PRKAR2B: variants seen among roughly 807,000 people sequenced by gnomAD.
The protein encoded by PRKAR2B is cAMP-dependent protein kinase type II-beta regulatory subunit.
PRKAR2B carries 14 observed loss-of-function variants against 49.9 expected under a neutral mutation model. The observed-to-expected ratio is 0.28, with a 90% confidence interval of 0.19 to 0.44. PRKAR2B has a LOEUF of 0.44. Among genes scored for constraint, PRKAR2B ranks in the 20% least tolerant of loss-of-function variants. The pLI, the probability that PRKAR2B is intolerant of heterozygous loss-of-function variation, is 1.00. For synonymous variants in PRKAR2B, 196 were observed against 197.7 expected (o/e 0.99, Z 0.07); for missense variants, 393 against 537.9 (o/e 0.73, Z 2.67).
At chr7:107,130,418 C>T (rs1795584074) in intron 4 of PRKAR2B, among the ~76,000 whole-genome samples, 1 of 151,998 alleles carries the variant, frequency 6.6e-6, no homozygotes, top group African/African-American at 2.4e-5. Context: ...AGGAGAATGG[C>T]ATGAACCCAG....
chr7:107,060,060 G>GT (rs11436034), intron 1 of PRKAR2B, among the ~76,000 whole-genome samples: 94,467 of 151,822 alleles, frequency 0.62, 30,274 homozygotes, highest in African/African-American at 0.77. Context: ...GGAAAATATA[G>GT]TTTTTTTAAT....
At chr7:107,112,371 AATTTATC>A (rs1360475165) in intron 2 of PRKAR2B, among the ~76,000 whole-genome samples, 9 of 151,942 alleles carry the variant, frequency 5.9e-5, no homozygotes, top group African/African-American at 1.7e-4. Context: ...GGTTCATTTA[AATTTATC>A]ATTTATCATC....
intron 2 of PRKAR2B, among the ~76,000 whole-genome samples, chr7:107,100,756 C>G (rs1229646853): frequency 6.6e-6 from 1 of 151,434 alleles, no homozygotes; most frequent in Non-Finnish European, 1.5e-5. Flanking sequence ...TTTGCCACTT[C>G]AAATCTCTTG....
At chr7:107,089,473 A>C (rs1411787821) in intron 2 of PRKAR2B, among the ~76,000 whole-genome samples, 2 of 152,210 alleles carry the variant, frequency 1.3e-5, no homozygotes, top group African/African-American at 4.8e-5. Flanking sequence ...AACACCAACT[A>C]CTGCGTTATA....
chr7:107,058,607 C>A (rs2116756847), intron 1 of PRKAR2B, among the ~76,000 whole-genome samples: 1 of 152,190 alleles, frequency 6.6e-6, no homozygotes, highest in East Asian at 1.9e-4. Flanking sequence ...CAGCAGTTTA[C>A]CAGCCAAGCA....
chr7:107,119,041 G>T (rs1307182216), intron 2 of PRKAR2B, among the ~76,000 whole-genome samples: 1 of 152,118 alleles, frequency 6.6e-6, no homozygotes, highest in Admixed American at 6.6e-5. Flanking sequence ...AATCAACAGG[G>T]TGTTAAGTAA....
Position 107,157,169 on chromosome 7 carries a change from T to G in PRKAR2B, c.985-17T>G. The G allele has an allele frequency of 1.2e-6, 2 of 1,608,592 alleles. No individual in the cohort carries two copies. Among genetic ancestry groups the G allele is most frequent in the Non-Finnish European group, 1.7e-6 (2 of 1,177,402 alleles). ...CATAAGCTGAGGAAAAGCTCATCTT[T>G]TTAATTGCCTTGTCAGGGTAAATCA... On this transcript the variant is annotated splice_polypyrimidine_tract_variant and intron_variant, in intron 9 of 10. Coordinates refer to ENST00000265717, the MANE Select transcript of PRKAR2B (RefSeq NM_002736.3).
intron 2 of PRKAR2B, among the ~76,000 whole-genome samples, chr7:107,107,068 G>A (rs1160516620): frequency 1.3e-5 from 2 of 152,184 alleles, no homozygotes; most frequent in Non-Finnish European, 1.5e-5. Flanking sequence ...TGGGTGCGGT[G>A]GCTCACGCCT....
intron 3 of PRKAR2B, among the ~76,000 whole-genome samples, chr7:107,127,208 G>C (rs1795512185): frequency 6.6e-6 from 1 of 152,206 alleles, no homozygotes; most frequent in South Asian, 2.1e-4. Context: ...TGATGGTAGG[G>C]CAGGCTGCCT....
chr7:107,116,969 A>G (rs190558370), intron 2 of PRKAR2B, among the ~76,000 whole-genome samples: 81 of 148,058 alleles, frequency 5.5e-4, no homozygotes, highest in East Asian at 2.7e-3. Flanking sequence ...ATATATATAT[A>G]TGTGTATATA....
chr7:107,107,405 G>T (rs1795093041), intron 2 of PRKAR2B, among the ~76,000 whole-genome samples: 1 of 151,844 alleles, frequency 6.6e-6, no homozygotes. Context: ...AAGTGGTGTT[G>T]CTAAACTAAA....
intron 2 of PRKAR2B, among the ~76,000 whole-genome samples, chr7:107,120,976 A>C (rs954546493): frequency 5.3e-5 from 8 of 150,890 alleles, no homozygotes; most frequent in African/African-American, 7.3e-5. Context: ...CAATTTAAAT[A>C]AATAATTTAA....
At chr7:107,116,078 T>C (rs775004366) in intron 2 of PRKAR2B, among the ~76,000 whole-genome samples, 2 of 152,236 alleles carry the variant, frequency 1.3e-5, no homozygotes, top group Admixed American at 6.5e-5. Context: ...TGTAAGCCAG[T>C]CTAATCTGAC....
chr7:107,161,293 T>A lies in PRKAR2B; in HGVS notation c.*1711T>A, dbSNP rs936982950. On this transcript the variant is annotated 3_prime_UTR_variant, in exon 11 of 11. Transcript: ENST00000265717. ...TAAACAAGAAAAAACACAAAAGAAC[T>A]CCAGATTCCTGGTTCATCATTCTGT... is the stretch of plus-strand genomic sequence containing the variant. 2 of 152,422 alleles carry A rather than the reference T, an allele frequency of 1.3e-5. No homozygotes were observed. Among genetic ancestry groups the A allele is most frequent in the Admixed American group, 1.3e-4 (2 of 15,278 alleles). 9.4% of individuals were successfully genotyped at this position (152,422 alleles called of 1,614,324 possible).
At chr7:107,090,780 G>A (rs900968364) in intron 2 of PRKAR2B, among the ~76,000 whole-genome samples, 4 of 152,160 alleles carry the variant, frequency 2.6e-5, no homozygotes, top group African/African-American at 9.7e-5. Context: ...GTTTGGATGT[G>A]TCTTTTTCTG....
chr7:107,156,820 C>T (rs1796101042), intron 8 of PRKAR2B, among the ~76,000 whole-genome samples, 164 bp from the exon 9 acceptor site: 3 of 151,070 alleles, frequency 2.0e-5, no homozygotes, highest in South Asian at 2.1e-4. Flanking sequence ...AAAAAAAAAA[C>T]CTCTTGATTT....
At chr7:107,077,163 C>A (rs573051269) in intron 2 of PRKAR2B, 12 of 152,278 alleles carry the variant, frequency 7.9e-5, no homozygotes, top group Admixed American at 7.8e-4. Context: ...AAATTAGCTT[C>A]ATTTTTAATA....
chr7:107,067,752 C>T (rs534426498), intron 1 of PRKAR2B, among the ~76,000 whole-genome samples: 31 of 152,158 alleles, frequency 2.0e-4, no homozygotes, highest in African/African-American at 7.2e-4. Flanking sequence ...TTGTAGTAGT[C>T]GCATGGTTTT....
At chr7:107,092,284 T>A (rs962565638) in intron 2 of PRKAR2B, among the ~76,000 whole-genome samples, 2 of 151,664 alleles carry the variant, frequency 1.3e-5, no homozygotes, top group Admixed American at 1.3e-4. Context: ...TGTCTGTGTG[T>A]GTGTGTGTGT....
Sources: gnomAD v4.1 joint callset for allele counts (sites outside exome capture counted in the v4.1 genomes callset) on GRCh38, gnomAD v4.1.1 for gene constraint, MANE v1.5 for transcripts, NCBI Gene and HGNC (gene_info 2026-07-23, HGNC 2026-07-21) for gene names.